The following PCDHGA2 variants were observed in gnomAD, a reference collection of about 807,000 sequenced individuals.
The protein encoded by PCDHGA2 is protocadherin gamma-A2.
In PCDHGA2, 40 loss-of-function variants were observed where a neutral mutation model predicts 59.2. The observed-to-expected ratio is 0.68, with a 90% confidence interval of 0.52 to 0.88. PCDHGA2 has a LOEUF of 0.88. Ranked by LOEUF, PCDHGA2 falls within the 40% of genes least tolerant of loss-of-function variation. The pLI is 0.00. For missense variants in PCDHGA2, 1,226 were observed against 1,204.0 expected, an observed-to-expected ratio of 1.02 and a Z score of -0.27; for synonymous variants, 560 against 526.0, an observed-to-expected ratio of 1.06 and a Z score of -0.89.
At chr5:141,407,453 C>G (rs914537742) in intron 1 of PCDHGA2, among the ~76,000 whole-genome samples, 18 of 148,834 alleles carry the variant, frequency 1.2e-4, no homozygotes, top group African/African-American at 4.4e-4. Flanking sequence ...ACACGAGGCT[C>G]ACCAGACAGA....
At chr5:141,382,592 A>G (rs1264942970) in intron 1 of PCDHGA2, 1 of 246,462 alleles carries the variant, frequency 4.1e-6, no homozygotes, top group Admixed American at 5.4e-5. Context: ...TTGAAAGATG[A>G]AACAATTTTC....
chr5:141,408,824 C>T, intron 1 of PCDHGA2: 1 of 1,613,560 alleles, frequency 6.2e-7, no homozygotes, highest in South Asian at 1.1e-5. Context: ...ACAGAGATCT[C>T]ATAGCTTGAT....
rs1307399747 is a variant in PCDHGA2 at position 141,340,470 on chromosome 5, C to A, written c.1499C>A (p.Pro500His). 9.3e-6 allele frequency: 15 copies of A among 1,614,228 alleles called. No individual in the cohort carries two copies. The highest frequency in any genetic ancestry group is 1.3e-5 in the African/African-American group (1 of 75,058). The change falls in exon 1 of 4, where the codon CCC (proline) becomes CAC (histidine). Residue 500 changes from proline to histidine, a missense_variant. Transcript: ENST00000394576. ...GCGGAGGACACTGTTCAGGGGGCAC[C>A]CTTATCCTCTTACATCTCTATCAAC... ...SFAEDTVQGA[P>H]LSSYISINSD...
In PCDHGA2 at chr5:141,393,130, T is replaced by C. The variant is rs752035971; in HGVS notation, c.2424+51735T>C. 19 of 1,613,248 alleles carry C rather than the reference T, an allele frequency of 1.2e-5. No individual in the cohort carries two copies. In the Admixed American group the frequency reaches 2.7e-4, roughly 23 times the overall value. On this transcript the variant is annotated intron_variant, in intron 1 of 3. Transcript: ENST00000394576. ...CAGAGCCCGCGGTGTCTGATAAATA[T>C]TAACACCCTGGTTGAGGATAAAGGA...
chr5:141,383,036 G>T, intron 1 of PCDHGA2: 1 of 1,613,876 alleles, frequency 6.2e-7, no homozygotes, highest in Non-Finnish European at 8.5e-7. Flanking sequence ...TCCTTTGTGG[G>T]AGACATCGCC....
intron 1 of PCDHGA2, among the ~76,000 whole-genome samples, chr5:141,474,684 T>A (rs1302389621): frequency 6.6e-6 from 1 of 152,246 alleles, no homozygotes; most frequent in Non-Finnish European, 1.5e-5. Context: ...TGCCTACCCC[T>A]TCACTTATGT....
rs1416755901 is a variant in PCDHGA2 at position 141,489,721 on chromosome 5, G to C, written c.2425-5086G>C. The C allele has an allele frequency of 6.2e-7, 1 of 1,614,016 alleles. No homozygotes were observed. The highest frequency in any genetic ancestry group is 8.5e-7 in the Non-Finnish European group (1 of 1,179,966). On this transcript the variant is annotated intron_variant, in intron 1 of 3. Coordinates refer to ENST00000394576, the MANE Select transcript of PCDHGA2 (RefSeq NM_018915.4). The surrounding 1 kb of genome is among the most constrained non-coding windows in gnomAD (Gnocchi z 4.5). ...CCCACTGGACAGTGCCCAGGATCCGGATGTGGGCACCAATACTGTGAGCTT... is the reference window on the plus strand; with the variant it reads ...CCCACTGGACAGTGCCCAGGATCCGCATGTGGGCACCAATACTGTGAGCTT...
chr5:141,478,590 A>T, intron 1 of PCDHGA2: 1 of 1,573,342 alleles, frequency 6.4e-7, no homozygotes, highest in South Asian at 1.1e-5. Flanking sequence ...GTGCTTTTTT[A>T]TTCCTACATC....
chr5:141,429,765 T>C (rs897963458), intron 1 of PCDHGA2, among the ~76,000 whole-genome samples: 1 of 152,230 alleles, frequency 6.6e-6, no homozygotes, highest in East Asian at 1.9e-4. Flanking sequence ...TTTCCCTATA[T>C]TTTGATGGGC....
At chr5:141,434,392 CA>C (rs1377925864) in intron 1 of PCDHGA2, among the ~76,000 whole-genome samples, 2 of 152,210 alleles carry the variant, frequency 1.3e-5, no homozygotes, top group Non-Finnish European at 2.9e-5. Context: ...TGGCCATAAA[CA>C]AAATCTCTGC....
At chr5:141,501,116 C>T (rs1325487254) in intron 2 of PCDHGA2, among the ~76,000 whole-genome samples, 1 of 152,154 alleles carries the variant, frequency 6.6e-6, no homozygotes, top group Non-Finnish European at 1.5e-5. Flanking sequence ...ATCCGCCTGC[C>T]TCAGCCTCCC....
At chr5:141,446,231 C>T (rs1412899811) in intron 1 of PCDHGA2, among the ~76,000 whole-genome samples, 2 of 152,176 alleles carry the variant, frequency 1.3e-5, no homozygotes, top group African/African-American at 2.4e-5. Flanking sequence ...TGTTGCCTGG[C>T]AAGTGGTAGA....
intron 1 of PCDHGA2, chr5:141,385,148 T>G (rs1052139407): frequency 6.2e-7 from 1 of 1,614,218 alleles, no homozygotes; most frequent in Admixed American, 1.7e-5. Context: ...CAGGCTTTCC[T>G]GCAGACCTAT....
intron 1 of PCDHGA2, among the ~76,000 whole-genome samples, chr5:141,492,927 G>C (rs925569925): frequency 6.6e-6 from 1 of 152,180 alleles, no homozygotes; most frequent in Non-Finnish European, 1.5e-5. Context: ...AGCGATCTAG[G>C]GTCAGAGATT....
chr5:141,403,697 G>A (rs1230785832), intron 1 of PCDHGA2: 5 of 1,613,830 alleles, frequency 3.1e-6, no homozygotes, highest in Admixed American at 1.7e-5. Context: ...GATTTACCGA[G>A]TTAAAGTCCT....
chr5:141,357,353 G>A (rs772395094), intron 1 of PCDHGA2: 1 of 1,614,124 alleles, frequency 6.2e-7, no homozygotes, highest in Middle Eastern at 1.6e-4. Context: ...AAGCTGAGAC[G>A]CTGGCACAAG....
At chr5:141,346,517 G>T in intron 1 of PCDHGA2, 2 of 1,598,398 alleles carry the variant, frequency 1.3e-6, no homozygotes, top group Non-Finnish European at 1.7e-6. Context: ...TTATTATAAA[G>T]CTTTAACACA....
In PCDHGA2 at chr5:141,477,073, G is replaced by A. The variant is rs755445666; in HGVS notation, c.2425-17734G>A. The A allele has an allele frequency of 1.2e-6, 2 of 1,614,264 alleles. No homozygotes were observed. The highest frequency in any genetic ancestry group is 2.2e-5 in the East Asian group (1 of 44,882). On this transcript the variant is annotated intron_variant, in intron 1 of 3. Coordinates refer to ENST00000394576, the MANE Select transcript of PCDHGA2 (RefSeq NM_018915.4). This position sits in a 1 kb window ranked among gnomAD's most constrained non-coding sequence, Gnocchi z 4.9. ...ACTTCGAGGACACCAAACTCCATGA[G>A]ATTTACATCCAGGCCAAAGACAAGG...
At chr5:141,408,566 G>A (rs779048929) in intron 1 of PCDHGA2, 2 of 1,613,912 alleles carry the variant, frequency 1.2e-6, no homozygotes, top group East Asian at 4.5e-5. Flanking sequence ...TGTCATTGTG[G>A]TGATTGAGGA....
Sources: allele counts gnomAD v4.1 joint callset (sites outside exome capture counted in the v4.1 genomes callset), GRCh38; gene constraint gnomAD v4.1.1; non-coding constraint Gnocchi (gnomAD v3.1); transcripts MANE v1.5; gene names NCBI Gene and HGNC (gene_info 2026-07-23, HGNC 2026-07-21).